IFI16: variants seen among roughly 807,000 people sequenced by gnomAD.
IFI16 encodes interferon gamma inducible protein 16.
In IFI16, 49 loss-of-function variants were observed where a neutral mutation model predicts 68.4. The ratio of observed to expected loss-of-function variants is 0.72; its 90% CI spans 0.57 to 0.91. IFI16 has a LOEUF of 0.91. Ranked by LOEUF, IFI16 falls within the 40% of genes least tolerant of loss-of-function variation. The probability of loss-of-function intolerance (pLI) is 0.00; values close to 1 mark genes in which losing one functional copy is unlikely to be tolerated. For synonymous variants in IFI16, 307 were observed against 315.0 expected (o/e 0.97, Z 0.27); for missense variants, 878 against 942.9 (o/e 0.93, Z 0.90).
intron 10 of IFI16, 114 bp downstream of exon 10, chr1:159,052,212 A>G: frequency 1.4e-6 from 1 of 733,850 alleles, no homozygotes; most frequent in Middle Eastern, 2.4e-4. Flanking sequence ...CAACCCCTTC[A>G]CCCTTCCCCC....
chr1:159,047,628 C>CA (rs1359229315), intron 8 of IFI16, among the ~76,000 whole-genome samples: 4 of 151,002 alleles, frequency 2.6e-5, no homozygotes, highest in Non-Finnish European at 4.4e-5. Context: ...CCTAAACATA[C>CA]ACCACGTAGT....
chr1:159,051,148 G>A (rs1445177036), intron 9 of IFI16, among the ~76,000 whole-genome samples: 2 of 151,990 alleles, frequency 1.3e-5, no homozygotes, highest in Non-Finnish European at 2.9e-5. Context: ...CTGAGTTGTA[G>A]GAGAGCACTT....
At chr1:159,029,430 G>T (rs1399091708) in intron 6 of IFI16, among the ~76,000 whole-genome samples, 1 of 151,968 alleles carries the variant, frequency 6.6e-6, no homozygotes, top group African/African-American at 2.4e-5. Context: ...TCTTTTCTCC[G>T]TCTTGACTTT....
chr1:159,019,528 G>A (rs952558187), intron 5 of IFI16, among the ~76,000 whole-genome samples: 3 of 150,562 alleles, frequency 2.0e-5, no homozygotes, highest in Non-Finnish European at 4.4e-5. Flanking sequence ...GCGCGATCTC[G>A]GCTCACTGCA....
chr1:159,054,964 C>A lies in IFI16; in HGVS notation c.*63C>A. On this transcript the variant is annotated 3_prime_UTR_variant, in exon 12 of 12. Transcript: ENST00000295809. The stretch of plus-strand genomic sequence containing the variant: ...AGGTCTAAGTGCCTAAAAAAATGTA[C>A]ATATACCTGGTTGAAATACAACACT... 1 of 857,350 alleles carries A rather than the reference C, an allele frequency of 1.2e-6. No individual in the cohort carries two copies. 53.1% of individuals were successfully genotyped at this position (857,350 alleles called of 1,614,324 possible). A position where few individuals can be genotyped will look rare whatever the true frequency, so the allele number is the denominator to read the frequency against.
At position 159,051,725 on chromosome 1, in the gene IFI16, A is replaced by G. The variant is rs771697897; in HGVS notation, c.1712A>G (p.Asp571Gly). ...KTEPEEVSIE[D>G]SAQSDLKEVM... ...GAACCTGAAGAAGTTTCCATAGAAG[A>G]CAGTGCCCAGAGTGACCTCAAAGAA... Residue 571 changes from aspartate (D) to glycine (G), a missense_variant, in exon 10 of 12, where the codon GAC (aspartate) becomes GGC (glycine). By Grantham distance (94) the Asp-to-Gly change is moderately conservative. Transcript: ENST00000295809. The G allele has an allele frequency of 8.1e-6, 13 of 1,613,796 alleles. No individual in the cohort carries two copies. The highest frequency in any genetic ancestry group is 1.6e-4 in the Middle Eastern group (1 of 6,084).
intron 5 of IFI16, among the ~76,000 whole-genome samples, 179 bp downstream of exon 5, chr1:159,018,830 ATTTC>A (rs1469182232): frequency 6.6e-5 from 10 of 152,242 alleles, no homozygotes. Context: ...ACCTGTTAAT[ATTTC>A]TTTCCCATGT....
chr1:159,046,413 A>C (rs1342298387), intron 8 of IFI16, among the ~76,000 whole-genome samples: 2 of 151,284 alleles, frequency 1.3e-5, no homozygotes, highest in Admixed American at 6.6e-5. Context: ...CCTGGTTTTG[A>C]TTTGAAAACC....
intron 7 of IFI16, among the ~76,000 whole-genome samples, chr1:159,035,635 A>G (rs1161136124): frequency 8.0e-4 from 3 of 3,738 alleles, no homozygotes; most frequent in South Asian, 0.14. Context: ...CTACTTTCCT[A>G]GTGACTCGCA....
At chr1:159,034,805 T>G (rs1034228842) in intron 7 of IFI16, among the ~76,000 whole-genome samples, 4 of 152,190 alleles carry the variant, frequency 2.6e-5, no homozygotes, top group South Asian at 2.1e-4. Context: ...GTGGGAGTAA[T>G]TTTCTCCTTT....
chr1:159,012,778 G>A (rs192400634), intron 1 of IFI16, among the ~76,000 whole-genome samples: 3 of 152,252 alleles, frequency 2.0e-5, no homozygotes, highest in Admixed American at 6.5e-5. Flanking sequence ...TGTCTGGGGC[G>A]GCAAAGGAAG....
intron 2 of IFI16, among the ~76,000 whole-genome samples, chr1:159,015,309 C>T (rs941913777): frequency 6.6e-6 from 1 of 152,070 alleles, no homozygotes; most frequent in Admixed American, 6.6e-5. Flanking sequence ...CTATTGAGAC[C>T]ATTTAACCCA....
intron 5 of IFI16, among the ~76,000 whole-genome samples, chr1:159,019,201 C>T (rs561467281): frequency 1.3e-5 from 2 of 150,308 alleles, no homozygotes; most frequent in African/African-American, 4.9e-5. Flanking sequence ...TTGGGAAATA[C>T]GAATTTGGAT....
intron 7 of IFI16, among the ~76,000 whole-genome samples, chr1:159,043,825 G>T (rs2101905164): frequency 6.6e-6 from 1 of 152,350 alleles, no homozygotes; most frequent in Non-Finnish European, 1.5e-5. Context: ...ATCCAAACTG[G>T]GCTATTGTGA....
chr1:159,019,097 A>G (rs921812225), intron 5 of IFI16, among the ~76,000 whole-genome samples: 3 of 152,194 alleles, frequency 2.0e-5, no homozygotes, highest in Non-Finnish European at 2.9e-5. Flanking sequence ...ATAAGAAATA[A>G]ATTGACTACT....
chr1:159,040,285 C>T (rs1355009852), intron 7 of IFI16, among the ~76,000 whole-genome samples: 1 of 152,096 alleles, frequency 6.6e-6, no homozygotes, highest in Non-Finnish European at 1.5e-5. Flanking sequence ...AGCTCTGAAA[C>T]TAATAAAACT....
In IFI16 at chr1:159,027,379, G is replaced by T. The variant is rs145754116; in HGVS notation, c.1162-5145G>T. Among the ~76,000 whole-genome samples, 18 of 152,174 alleles carry T rather than the reference G, an allele frequency of 1.2e-4. No individual in the cohort carries two copies. In the East Asian group the frequency reaches 3.3e-3, roughly 28 times the overall value. On this transcript the variant is annotated intron_variant, in intron 6 of 11. Transcript: ENST00000295809. ...ATCCCTGCGTCCCTGGTATGAAACC[G>T]ACTTGATCATGGTGCATTATCTTGA...
chr1:159,002,415 C>T (rs1174997476), upstream of IFI16, among the ~76,000 whole-genome samples: 1 of 152,096 alleles, frequency 6.6e-6, no homozygotes, highest in South Asian at 2.1e-4. Context: ...CAATTATTTT[C>T]TTTGTCAAAT....
rs35487934 is a variant in IFI16 at position 159,011,397 on chromosome 1, A to T, written c.-21+1236A>T. Among the ~76,000 whole-genome samples, 290 of 97,040 alleles carry T rather than the reference A, an allele frequency of 3.0e-3. 1 individual carries two copies. Among genetic ancestry groups the T allele is most frequent in the Non-Finnish European group, 6.1e-3 (224 of 36,534 alleles). The allele number at this position is 97,040 out of a possible 152,430, so 63.7% of individuals were successfully genotyped here. A position where few individuals can be genotyped will look rare whatever the true frequency, so the allele number is the denominator to read the frequency against. On this transcript the variant is annotated intron_variant, in intron 1 of 11. Coordinates refer to ENST00000295809, the MANE Select transcript of IFI16 (RefSeq NM_001376587.1). The stretch of plus-strand genomic sequence containing the variant: ...GGCTCTGTCTCAAAAAAAAAAAAAA[A>T]TTTTTTTTCTTTGTAGTGCTCTCAC...
Sources: allele counts gnomAD v4.1 joint callset (sites outside exome capture counted in the v4.1 genomes callset), GRCh38; gene constraint gnomAD v4.1.1; transcripts MANE v1.5; gene names NCBI Gene and HGNC (gene_info 2026-07-23, HGNC 2026-07-21).